Variants in PRR15 observed in about 807,000 individuals in gnomAD.
The protein encoded by PRR15 is proline-rich protein 15.
In PRR15, 4 loss-of-function variants were observed where a neutral mutation model predicts 3.0. The observed-to-expected ratio is 1.34, with a 90% CI of 0.66 to 3.08. The LOEUF (loss-of-function observed/expected upper bound fraction) is 3.08. Among genes scored for constraint, PRR15 ranks in the 30% most tolerant of loss-of-function variants. The probability of loss-of-function intolerance (pLI) is 0.01; values close to 1 mark genes in which losing one functional copy is unlikely to be tolerated. For missense variants in PRR15, 200 were observed against 179.5 expected (o/e 1.11, Z -0.65); for synonymous variants, 82 against 79.8 (o/e 1.03, Z -0.14).
In PRR15 at chr7:29,566,431, C is replaced by G; in HGVS notation, c.102C>G (p.Pro34=). 1 of 1,606,560 alleles carries G rather than the reference C, an allele frequency of 6.2e-7. No homozygotes were observed. Among genetic ancestry groups the G allele is most frequent in the Non-Finnish European group, 8.5e-7 (1 of 1,176,994 alleles). Residue 34 remains proline, a synonymous_variant, in exon 2 of 2, where the codon CCC becomes CCG. Transcript: ENST00000319694. ...SKEAAVGVPP[P]AQPAPGEPTP... ...AAGCCGCAGTGGGGGTGCCGCCTCC[C>G]GCCCAGCCCGCTCCCGGGGAGCCCA...
chr7:29,565,289 G>A (rs1304247702), intron 1 of PRR15, among the ~76,000 whole-genome samples: 4 of 152,250 alleles, frequency 2.6e-5, no homozygotes, highest in African/African-American at 9.6e-5. Flanking sequence ...AAGAAGAGAA[G>A]CCTTTACTTT....
In PRR15 at chr7:29,566,798, C is replaced by A. The variant is rs1792922641; in HGVS notation, c.*79C>A. On this transcript the variant is annotated 3_prime_UTR_variant, in exon 2 of 2. Coordinates refer to ENST00000319694, the MANE Select transcript of PRR15 (RefSeq NM_175887.3). ...CAGTTCCAAACCCGAGACTTCAGGC[C>A]CGCCCCCTTACGCGTTGTCTCATTC... The A allele has an allele frequency of 1.5e-6, 2 of 1,363,938 alleles. No homozygotes were observed. The highest frequency in any genetic ancestry group is 2.0e-6 in the Non-Finnish European group (2 of 1,019,866). 84.5% of individuals were successfully genotyped at this position (1,363,938 alleles called of 1,614,324 possible).
Position 29,566,584 on chromosome 7 carries a change from C to G in PRR15, c.255C>G (p.Ser85Arg). ...TATACGGGGACAAATCCGGCAGCAG[C>G]CGCCGCAATTTGAAGATCTCGCGCT... ...DKLYGDKSGSSRRNLKISRSG... is the reference protein window; with the variant it reads ...DKLYGDKSGSRRRNLKISRSG... The change falls in exon 2 of 2, where the codon AGC becomes AGG. Residue 85 changes from serine to arginine, a missense_variant. Ser to Arg is a moderately radical substitution (Grantham distance 110). Transcript: ENST00000319694. 1 of 1,608,728 alleles carries G rather than the reference C, an allele frequency of 6.2e-7. No individual in the cohort carries two copies. The highest frequency in any genetic ancestry group is 1.7e-5 in the Admixed American group (1 of 59,672).
chr7:29,566,700 C>T lies in PRR15; in HGVS notation c.371C>T (p.Pro124Leu), dbSNP rs112093295. Residue 124 changes from proline (P) to leucine (L), a missense_variant, in exon 2 of 2, where the codon CCC becomes CTC. Pro to Leu is a moderately conservative substitution (Grantham distance 98). Coordinates refer to ENST00000319694, the MANE Select transcript of PRR15 (RefSeq NM_175887.3). Reference protein sequence around the residue: ...SPEEAGFPGDPHEDKQ With the variant: ...SPEEAGFPGDLHEDKQ ...GAGGAGGCAGGCTTTCCTGGTGACCCCCACGAGGACAAGCAGTAGCCCCAA... is the reference window on the plus strand; with the variant it reads ...GAGGAGGCAGGCTTTCCTGGTGACCTCCACGAGGACAAGCAGTAGCCCCAA... 1.3e-6 allele frequency: 2 copies of T among 1,560,366 alleles called. No individual in the cohort carries two copies. The highest frequency in any genetic ancestry group is 2.4e-5 in the East Asian group (1 of 41,462).
chr7:29,564,810 G>C (rs765187116), intron 1 of PRR15, among the ~76,000 whole-genome samples: 1 of 152,168 alleles, frequency 6.6e-6, no homozygotes, highest in Admixed American at 6.5e-5. Context: ...TTCTTGTATT[G>C]TTTTCAAGTC....
rs920335003 is a variant in PRR15 at position 29,564,198 on chromosome 7, A to G, written c.-325A>G. On this transcript the variant is annotated 5_prime_UTR_variant, in exon 1 of 2. Coordinates refer to ENST00000319694, the MANE Select transcript of PRR15 (RefSeq NM_175887.3). ...GGAGGTGCCAGAGGAGACCAGCAGC[A>G]GCACTTGATTTAGCTGGGCTGCGGG... 1.3e-5 allele frequency: 2 copies of G among 152,468 alleles called. No individual in the cohort carries two copies. Among genetic ancestry groups the G allele is most frequent in the African/African-American group, 4.8e-5 (2 of 41,450 alleles). 9.4% of individuals were successfully genotyped at this position (152,468 alleles called of 1,614,324 possible). A position where few individuals can be genotyped will look rare whatever the true frequency, so the allele number is the denominator to read the frequency against.
Position 29,566,827 on chromosome 7 carries a change from C to A in PRR15, c.*108C>A. 3 of 1,099,346 alleles carry A rather than the reference C, an allele frequency of 2.7e-6. No individual in the cohort carries two copies. The highest frequency in any genetic ancestry group is 3.8e-6 in the Non-Finnish European group (3 of 785,608). The allele number at this position is 1,099,346 out of a possible 1,614,324, so 68.1% of individuals were successfully genotyped here. On this transcript the variant is annotated 3_prime_UTR_variant, in exon 2 of 2. Coordinates refer to ENST00000319694, the MANE Select transcript of PRR15 (RefSeq NM_175887.3). ...CCCCTTACGCGTTGTCTCATTCCAC[C>A]AAATTCAGAATATTTACACAATGCC...
rs761107881 is a variant in PRR15 at position 29,566,522 on chromosome 7, C to T, written c.193C>T (p.Leu65Phe). 3 of 1,604,768 alleles carry T rather than the reference C, an allele frequency of 1.9e-6. No individual in the cohort carries two copies. The Admixed American group carries it at 5.1e-5, about 27-fold the overall frequency. ...SSRENQHPNL[L>F]GGAGEPPKPD... ...CCGGGAGAACCAGCACCCCAATCTC[C>T]TCGGGGGCGCCGGCGAGCCCCCCAA... is the stretch of plus-strand genomic sequence containing the variant. The change falls in exon 2 of 2, where the codon CTC becomes TTC. Residue 65 changes from leucine to phenylalanine, a missense_variant. Leu to Phe is a conservative substitution (Grantham distance 22). Coordinates refer to ENST00000319694, the MANE Select transcript of PRR15 (RefSeq NM_175887.3).
intron 1 of PRR15, 82 bp from the exon 2 acceptor site, chr7:29,566,103 G>T (rs906320327): frequency 1.7e-6 from 1 of 593,560 alleles, no homozygotes; most frequent in East Asian, 2.9e-5. Flanking sequence ...TCCGGTGCCA[G>T]ACAGCATAAG....
At position 29,566,673 on chromosome 7, in the gene PRR15, C is replaced by G. The variant is rs780046335; in HGVS notation, c.344C>G (p.Pro115Arg). ...ATLLPEAGRS[P>R]EEAGFPGDPH... ...CTGCTCCCGGAGGCGGGCAGGTCCC[C>G]GGAGGAGGCAGGCTTTCCTGGTGAC... The change falls in exon 2 of 2, where the codon CCG (proline) becomes CGG (arginine). Residue 115 changes from proline to arginine, a missense_variant. Pro to Arg is a moderately radical substitution (Grantham distance 103). Transcript: ENST00000319694. The G allele has an allele frequency of 4.5e-6, 7 of 1,570,882 alleles. No homozygotes were observed. Among genetic ancestry groups the G allele is most frequent in the Non-Finnish European group, 6.0e-6 (7 of 1,158,520 alleles).
Position 29,566,799 on chromosome 7 carries a change from C to G in PRR15, c.*80C>G, listed in dbSNP as rs138864750. The G allele has an allele frequency of 2.3e-6, 3 of 1,320,370 alleles. No homozygotes were observed. In the African/African-American group the frequency reaches 4.5e-5, roughly 20 times the overall value. 81.8% of individuals were successfully genotyped at this position (1,320,370 alleles called of 1,614,324 possible). ...AGTTCCAAACCCGAGACTTCAGGCC[C>G]GCCCCCTTACGCGTTGTCTCATTCC... On this transcript the variant is annotated 3_prime_UTR_variant, in exon 2 of 2. Transcript: ENST00000319694.
Position 29,566,942 on chromosome 7 carries a change from T to G in PRR15, c.*223T>G. On this transcript the variant is annotated 3_prime_UTR_variant, in exon 2 of 2. Coordinates refer to ENST00000319694, the MANE Select transcript of PRR15 (RefSeq NM_175887.3). ...GGATGCATTAAATATTTATTTGTGG[T>G]AAGAGAAGATACCTGCCGCGGAGGA... The G allele has an allele frequency of 2.1e-6, 1 of 476,144 alleles. No homozygotes were observed. 29.5% of individuals were successfully genotyped at this position (476,144 alleles called of 1,614,324 possible). A position where few individuals can be genotyped will look rare whatever the true frequency, so the allele number is the denominator to read the frequency against.
Position 29,567,163 on chromosome 7 carries a change from T to C in PRR15, c.*444T>C, listed in dbSNP as rs1675965846. ...TTTAGGGGTAGACTTATACCTTAAG[T>C]GAAGGAGTGGGGGAGGAAGAAGCAT... On this transcript the variant is annotated 3_prime_UTR_variant, in exon 2 of 2. Transcript: ENST00000319694. 1 of 172,908 alleles carries C rather than the reference T, an allele frequency of 5.8e-6. No individual in the cohort carries two copies. The highest frequency in any genetic ancestry group is 1.4e-5 in the Non-Finnish European group (1 of 72,390). 10.7% of individuals were successfully genotyped at this position (172,908 alleles called of 1,614,324 possible). A position where few individuals can be genotyped will look rare whatever the true frequency, so the allele number is the denominator to read the frequency against.
chr7:29,566,057 G>C (rs1262472818), intron 1 of PRR15, 128 bp from the exon 2 acceptor site: 2 of 535,148 alleles, frequency 3.7e-6, no homozygotes, highest in Admixed American at 7.3e-5. Context: ...TGTGGGCTAC[G>C]TAGCTACGGG....
chr7:29,564,864 G>A (rs1219640851), intron 1 of PRR15, among the ~76,000 whole-genome samples: 1 of 152,162 alleles, frequency 6.6e-6, no homozygotes, highest in Non-Finnish European at 1.5e-5. Context: ...AGGAGCCGGT[G>A]TTGCGGTTTC....
Position 29,566,391 on chromosome 7 carries a change from G to GA in PRR15, c.65dup (p.Lys23GlufsTer76). On this transcript the variant is annotated frameshift_variant, in exon 2 of 2. Coordinates refer to ENST00000319694, the MANE Select transcript of PRR15 (RefSeq NM_175887.3). LOFTEE classifies it low-confidence loss of function (END_TRUNC). ...TGGTGGAAATCGCTCACCAACAGCA[G>GA]AAAGAAAAGCAAGGAAGCCGCAGTG... The GA allele has an allele frequency of 6.2e-7, 1 of 1,611,180 alleles. No individual in the cohort carries two copies. The highest frequency in any genetic ancestry group is 8.5e-7 in the Non-Finnish European group (1 of 1,179,600).
intron 1 of PRR15, among the ~76,000 whole-genome samples, chr7:29,565,182 G>C (rs1006267182): frequency 1.4e-4 from 21 of 152,240 alleles, no homozygotes; most frequent in African/African-American, 4.8e-4. Flanking sequence ...CTTTCGCTCT[G>C]CAGAGGGGGG....
At position 29,566,656 on chromosome 7, in the gene PRR15, G is replaced by A. The variant is rs1179494061; in HGVS notation, c.327G>A (p.Pro109=). The change falls in exon 2 of 2, where the codon CCG becomes CCA. Residue 109 remains proline (P), a synonymous_variant. Transcript: ENST00000319694. ...EKRKVRATLL[P]EAGRSPEEAG... is the part of the protein sequence containing the mutation. ...GGAAAGTGCGCGCCACGCTGCTCCC[G>A]GAGGCGGGCAGGTCCCCGGAGGAGG... The A allele has an allele frequency of 1.9e-6, 3 of 1,581,960 alleles. No homozygotes were observed. The highest frequency in any genetic ancestry group is 2.3e-5 in the East Asian group (1 of 42,680).
In PRR15 at chr7:29,566,718, A is replaced by G; in HGVS notation, c.389A>G (p.Ter130TrpextTer3). 2 of 1,549,608 alleles carry G rather than the reference A, an allele frequency of 1.3e-6. No homozygotes were observed. Among genetic ancestry groups the G allele is most frequent in the South Asian group, 1.2e-5 (1 of 83,060 alleles). ...FPGDPHEDKQ[*>W] Reference sequence around the variant, plus strand: ...GGTGACCCCCACGAGGACAAGCAGTAGCCCCAATAGCCTGCGCGCTCCAGG... The same window carrying G: ...GGTGACCCCCACGAGGACAAGCAGTGGCCCCAATAGCCTGCGCGCTCCAGG... Residue 130 changes from the stop codon to tryptophan (W), a stop_lost, in exon 2 of 2, where the codon TAG (stop) becomes TGG (tryptophan). Transcript: ENST00000319694.
Sources: gnomAD v4.1 joint callset for allele counts (sites outside exome capture counted in the v4.1 genomes callset) on GRCh38, gnomAD v4.1.1 for gene constraint, MANE v1.5 for transcripts, NCBI Gene and HGNC (gene_info 2026-07-23, HGNC 2026-07-21) for gene names.